CTNNA3: variants seen among roughly 807,000 people sequenced by gnomAD.
CTNNA3 encodes the protein catenin alpha 3.
In CTNNA3, 76 loss-of-function variants were observed where a neutral mutation model predicts 95.7. The observed-to-expected ratio is 0.79, with a 90% CI of 0.66 to 0.96. The LOEUF is 0.96. CTNNA3 is among the 40% of genes least tolerant of loss of function. The pLI, the probability that CTNNA3 is intolerant of heterozygous loss-of-function variation, is 0.00. For synonymous variants in CTNNA3, 431 were observed against 374.4 expected (o/e 1.15, Z -1.74); for missense variants, 1,191 against 1,089.8 (o/e 1.09, Z -1.31).
In CTNNA3 at chr10:67,351,380, A is replaced by G. The variant is rs573756948; in HGVS notation, c.580-131510T>C. On this transcript the variant is annotated intron_variant, in intron 5 of 17. Coordinates refer to ENST00000433211, the MANE Select transcript of CTNNA3 (RefSeq NM_013266.4). Reference sequence around the variant, plus strand: ...GTATATGAATTAAAACTACACTTTCAAATAAAAAATCTCTTCTACAAGAAA... The same window carrying G: ...GTATATGAATTAAAACTACACTTTCGAATAAAAAATCTCTTCTACAAGAAA... 7.8e-5 allele frequency among the ~76,000 whole-genome samples: 5 copies of G among 64,498 alleles called. No individual in the cohort carries two copies. The East Asian group carries it at 2.3e-3, about 30-fold the overall frequency. 42.3% of individuals were successfully genotyped at this position (64,498 alleles called of 152,430 possible).
chr10:67,726,723 C>CGATATATTATATATAATT (rs1841231709), intron 1 of CTNNA3, among the ~76,000 whole-genome samples: 4 of 31,192 alleles, frequency 1.3e-4, no homozygotes, highest in Non-Finnish European at 4.7e-4. Context: ...TATCATATAT[C>CGATATATTATATATAATT]ATAATATACA....
chr10:67,016,054 C>T (rs1214548338), intron 7 of CTNNA3, among the ~76,000 whole-genome samples: 2 of 151,924 alleles, frequency 1.3e-5, no homozygotes, highest in African/African-American at 4.8e-5. Flanking sequence ...CATCTGTCTC[C>T]TTTCTGAACC....
intron 13 of CTNNA3, among the ~76,000 whole-genome samples, chr10:66,200,982 C>A (rs1169354685): frequency 6.6e-6 from 1 of 152,080 alleles, no homozygotes; most frequent in Admixed American, 6.6e-5. Flanking sequence ...GTGTTGCCGA[C>A]CCATGTGACA....
At chr10:66,130,369 C>G (rs1037147842) in intron 13 of CTNNA3, among the ~76,000 whole-genome samples, 9 of 150,710 alleles carry the variant, frequency 6.0e-5, no homozygotes, top group Non-Finnish European at 1.0e-4. Context: ...AAAGTGAGAG[C>G]TGAACTGAAG....
intron 16 of CTNNA3, among the ~76,000 whole-genome samples, chr10:65,972,891 C>A (rs1014593435): frequency 7.1e-5 from 8 of 112,854 alleles, no homozygotes; most frequent in African/African-American, 2.3e-4. Flanking sequence ...AATAGACAAG[C>A]AATCCTAAGG....
chr10:66,346,421 C>G (rs1283201440), intron 12 of CTNNA3, among the ~76,000 whole-genome samples: 1 of 151,472 alleles, frequency 6.6e-6, no homozygotes, highest in South Asian at 2.1e-4. Flanking sequence ...TGGGACTACA[C>G]ACATGCACCA....
chr10:66,287,568 G>A (rs969323751), intron 12 of CTNNA3, among the ~76,000 whole-genome samples: 2 of 151,838 alleles, frequency 1.3e-5, no homozygotes, highest in Admixed American at 6.6e-5. Context: ...AGGACACTTA[G>A]GATAAAGAGA....
chr10:66,080,585 G>T (rs1197739502), intron 14 of CTNNA3, among the ~76,000 whole-genome samples: 8 of 152,098 alleles, frequency 5.3e-5, no homozygotes, highest in African/African-American at 1.9e-4. Flanking sequence ...CCAAAACTCT[G>T]CAAGTCCATG....
rs187199070 is a variant in CTNNA3, at chr10:65,917,917, A to G, written c.*2413T>C. 1 of 152,230 alleles carries G rather than the reference A, an allele frequency of 6.6e-6. No individual in the cohort carries two copies. Among genetic ancestry groups the G allele is most frequent in the African/African-American group, 2.4e-5 (1 of 41,466 alleles). 9.4% of individuals were successfully genotyped at this position (152,230 alleles called of 1,614,324 possible). ...TAAATCTTGAAATGCTGCCTACTAC[A>G]GGAATTCACTCAGGTGGACAGATGC... is the stretch of plus-strand genomic sequence containing the variant. On this transcript the variant is annotated 3_prime_UTR_variant, in exon 18 of 18. Coordinates refer to ENST00000433211, the MANE Select transcript of CTNNA3 (RefSeq NM_013266.4).
chr10:67,083,778 C>T, intron 7 of CTNNA3, among the ~76,000 whole-genome samples: 1 of 152,132 alleles, frequency 6.6e-6, no homozygotes, highest in Non-Finnish European at 1.5e-5. Flanking sequence ...TACATTAGTT[C>T]TCCCCATAGA....
chr10:66,153,138 A>G (rs1441673337), intron 13 of CTNNA3, among the ~76,000 whole-genome samples: 1 of 151,770 alleles, frequency 6.6e-6, no homozygotes, highest in Non-Finnish European at 1.5e-5. Flanking sequence ...TGCGTGTTTC[A>G]GTATGTTTCA....
rs575321308 is a variant in CTNNA3, at chr10:66,507,712, A to G, written c.1531+12905T>C. 3.3e-3 allele frequency among the ~76,000 whole-genome samples: 357 copies of G among 108,896 alleles called. 2 individuals carry two copies. Among genetic ancestry groups the G allele is most frequent in the Middle Eastern group, 0.025 (5 of 200 alleles). 71.4% of individuals were successfully genotyped at this position (108,896 alleles called of 152,430 possible). On this transcript the variant is annotated intron_variant, in intron 11 of 17. Transcript: ENST00000433211. ...ATAGCTGAACAATATTCTGTTGTGT[A>G]TATATATATATATTACATTTTCTTT...
intron 7 of CTNNA3, among the ~76,000 whole-genome samples, chr10:67,142,973 T>C (rs1263995564): frequency 1.3e-5 from 2 of 152,156 alleles, no homozygotes; most frequent in Admixed American, 1.3e-4. Flanking sequence ...AAAAATCATC[T>C]GAGCCTTTAG....
At chr10:67,399,582 G>GT in intron 5 of CTNNA3, among the ~76,000 whole-genome samples, 1 of 152,116 alleles carries the variant, frequency 6.6e-6, no homozygotes, top group South Asian at 2.1e-4. Context: ...ATCTCCCAAG[G>GT]TTTTTTCCAG....
At chr10:66,926,785 C>A in intron 7 of CTNNA3, 1 of 963,348 alleles carries the variant, frequency 1.0e-6, no homozygotes. Context: ...TCTTTAATTA[C>A]AAAGAGATAA....
chr10:67,142,529 G>A (rs1860617516), intron 7 of CTNNA3, among the ~76,000 whole-genome samples: 1 of 151,768 alleles, frequency 6.6e-6, no homozygotes, highest in South Asian at 2.1e-4. Context: ...AAGTCACATG[G>A]ATTTTTTTGG....
intron 13 of CTNNA3, among the ~76,000 whole-genome samples, chr10:66,110,912 C>A (rs922590067): frequency 6.6e-6 from 1 of 152,122 alleles, no homozygotes; most frequent in Non-Finnish European, 1.5e-5. Context: ...AGGCTACAAA[C>A]CTGTATGGCA....
chr10:67,364,077 T>C (rs2132678754), intron 5 of CTNNA3, among the ~76,000 whole-genome samples: 1 of 152,286 alleles, frequency 6.6e-6, no homozygotes, highest in Non-Finnish European at 1.5e-5. Flanking sequence ...AAGTCCTCAA[T>C]AAAATACTGA....
At chr10:67,063,750 A>G (rs1886724) in intron 7 of CTNNA3, among the ~76,000 whole-genome samples, 24,774 of 152,228 alleles carry the variant, frequency 0.16, 2,793 homozygotes, top group African/African-American at 0.32. Context: ...AAACTCTTAC[A>G]TACTCTCTTA....
Sources: allele counts gnomAD v4.1 joint callset (sites outside exome capture counted in the v4.1 genomes callset), GRCh38; gene constraint gnomAD v4.1.1; transcripts MANE v1.5; gene names NCBI Gene and HGNC (gene_info 2026-07-23, HGNC 2026-07-21).